Variants in OTC observed in about 807,000 individuals in gnomAD.
OTC encodes the protein ornithine transcarbamylase, mitochondrial.
In OTC, 3 loss-of-function variants were observed where a neutral mutation model predicts 30.3. The observed-to-expected ratio is 0.10, with a 90% CI of 0.05 to 0.26. The LOEUF is 0.26. Ranked by LOEUF, OTC falls within the 10% of genes least tolerant of loss-of-function variation. OTC has a pLI of 1.00. For synonymous variants in OTC, 111 were observed against 99.7 expected (o/e 1.11, Z -0.67); for missense variants, 194 against 260.3 (o/e 0.75, Z 1.75).
intron 9 of OTC, 24 bp downstream of exon 9, chrX:38,412,023 G>A (rs774568437): frequency 1.0e-5 from 12 of 1,203,334 alleles, no homozygotes; most frequent in Middle Eastern, 4.6e-4. Flanking sequence ...AAGGAATGGA[G>A]GATAAGTTCT....
upstream of OTC, among the ~76,000 whole-genome samples, chrX:38,351,980 C>T (rs949925567): frequency 5.4e-5 from 6 of 111,361 alleles, no homozygotes; most frequent in Admixed American, 1.9e-4. Flanking sequence ...AGGCTGGTCT[C>T]GAACTCCTGG....
intron 9 of OTC, among the ~76,000 whole-genome samples, chrX:38,415,633 A>G (rs952302987): frequency 1.8e-5 from 2 of 110,505 alleles, no homozygotes; most frequent in Non-Finnish European, 3.8e-5. Flanking sequence ...CAGGGGGATT[A>G]CTTGAGGTCA....
the OTC span, among the ~76,000 whole-genome samples, chrX:38,328,445 G>A: frequency 8.9e-6 from 1 of 112,398 alleles, no homozygotes; most frequent in Non-Finnish European, 1.9e-5. Context: ...CGTTGACCTG[G>A]TGTAGGAGGT....
chrX:38,388,804 G>T (rs890419406), intron 4 of OTC, among the ~76,000 whole-genome samples: 1 of 112,176 alleles, frequency 8.9e-6, no homozygotes, highest in Non-Finnish European at 1.9e-5. Context: ...TTTACTTATG[G>T]TAGTGATTGC....
At chrX:38,392,562 G>T (rs1214592799) in intron 4 of OTC, among the ~76,000 whole-genome samples, 2 of 112,056 alleles carry the variant, frequency 1.8e-5, no homozygotes, top group African/African-American at 3.2e-5. Flanking sequence ...TAGTAGCCTG[G>T]AAGAATTAAA....
chrX:38,366,914 A>C (rs1307534863), intron 1 of OTC, among the ~76,000 whole-genome samples: 4 of 112,105 alleles, frequency 3.6e-5, no homozygotes, highest in Admixed American at 9.5e-5. Flanking sequence ...ATAAGAAGAT[A>C]AAGCATTTGC....
intron 3 of OTC, among the ~76,000 whole-genome samples, chrX:38,370,633 C>T (rs5917582): frequency 0.15 from 17,047 of 110,901 alleles, 1,380 homozygotes; most frequent in Middle Eastern, 0.27. Flanking sequence ...ACACCATTTG[C>T]GCGGGGAAGA....
At chrX:38,371,507 C>G (rs1404418225) in intron 3 of OTC, among the ~76,000 whole-genome samples, 1 of 111,892 alleles carries the variant, frequency 8.9e-6, no homozygotes, top group East Asian at 2.8e-4. Context: ...TTACGAGTGT[C>G]AGAGCTTTCT....
At chrX:38,328,959 T>C in the OTC span, among the ~76,000 whole-genome samples, 2 of 112,289 alleles carry the variant, frequency 1.8e-5, no homozygotes, top group African/African-American at 6.5e-5. Context: ...ACCAAATAGT[T>C]CTTAGAGCAA....
the OTC span, among the ~76,000 whole-genome samples, chrX:38,340,473 G>GTTTTTTTTTTT: frequency 1.8e-5 from 1 of 56,125 alleles, no homozygotes; most frequent in Non-Finnish European, 3.3e-5. Flanking sequence ...TTTTTTTTTT[G>GTTTTTTTTTTT]TTTTTTTTTT....
At chrX:38,332,504 T>TATA in the OTC span, among the ~76,000 whole-genome samples, 1 of 39,381 alleles carries the variant, frequency 2.5e-5, no homozygotes, top group African/African-American at 8.8e-5. Flanking sequence ...GCCCTAGATT[T>TATA]TATATATATA....
Position 38,418,478 on chromosome X carries a change from A to G in OTC, c.1006-2545A>G, listed in dbSNP as rs186489973. 1.7e-3 allele frequency among the ~76,000 whole-genome samples: 193 copies of G among 111,864 alleles called. 1 individual carries two copies. Among genetic ancestry groups the G allele is most frequent in the Non-Finnish European group, 1.6e-3 (83 of 53,093 alleles). On this transcript the variant is annotated intron_variant, in intron 9 of 9. Coordinates refer to ENST00000039007, the MANE Select transcript of OTC (RefSeq NM_000531.6). ...TTTCTTTTGCTGTGCAGAAGCTTTG[A>G]TGCAATTTGATTTGTCTATGTTTGT...
upstream of OTC, among the ~76,000 whole-genome samples, chrX:38,352,088 T>C (rs1486438520): frequency 8.9e-6 from 1 of 112,848 alleles, no homozygotes; most frequent in Non-Finnish European, 1.9e-5. Flanking sequence ...TGAAGACTTA[T>C]GTGCAAGGCA....
chrX:38,392,359 AT>A (rs929195578), intron 4 of OTC, among the ~76,000 whole-genome samples: 1 of 111,589 alleles, frequency 9.0e-6, no homozygotes, highest in African/African-American at 3.3e-5. Context: ...ACCAGAGAGT[AT>A]TTTTTTAACT....
chrX:38,394,899 G>T lies in OTC; in HGVS notation c.387-6376G>T, dbSNP rs34416000. On this transcript the variant is annotated intron_variant, in intron 4 of 9. Transcript: ENST00000039007. The stretch of plus-strand genomic sequence containing the variant: ...GAAAAAGGAAAGTAGTTTCTGGGGG[G>T]GGGCAGGGCAGAGGTAAGAAGTAAT... 5.4e-5 allele frequency among the ~76,000 whole-genome samples: 6 copies of T among 110,424 alleles called. No individual in the cohort carries two copies. The East Asian group carries it at 1.1e-3, about 21-fold the overall frequency.
At chrX:38,406,981 G>A (rs151127745) in intron 6 of OTC, among the ~76,000 whole-genome samples, 1,587 of 112,613 alleles carry the variant, frequency 0.014, 29 homozygotes, top group African/African-American at 0.049. Context: ...GCCTGTCACA[G>A]GTTGGGTTTC....
chrX:38,421,125 C>G lies in OTC; in HGVS notation c.*43C>G, dbSNP rs758155007. On this transcript the variant is annotated 3_prime_UTR_variant, in exon 10 of 10. Coordinates refer to ENST00000039007, the MANE Select transcript of OTC (RefSeq NM_000531.6). ...AGAAAGAAGCAATGTTCTTCAGTAACAGAATGAGTTGGTTTATGGGGAAAA... is the reference window on the plus strand; with the variant it reads ...AGAAAGAAGCAATGTTCTTCAGTAAGAGAATGAGTTGGTTTATGGGGAAAA... 1 of 931,667 alleles carries G rather than the reference C, an allele frequency of 1.1e-6. No homozygotes were observed. The highest frequency in any genetic ancestry group is 2.2e-5 in the Admixed American group (1 of 45,577). 76.8% of individuals were successfully genotyped at this position (931,667 alleles called of 1,213,427 possible).
At chrX:38,332,365 C>G in the OTC span, among the ~76,000 whole-genome samples, 1 of 104,257 alleles carries the variant, frequency 9.6e-6, no homozygotes, top group African/African-American at 3.5e-5. Context: ...ATCCCAAAAA[C>G]ATCCCCACCC....
chrX:38,384,787 G>A (rs980880360), intron 4 of OTC, among the ~76,000 whole-genome samples: 2 of 110,341 alleles, frequency 1.8e-5, no homozygotes, highest in Non-Finnish European at 3.8e-5. Flanking sequence ...GGAGAATATA[G>A]TGAGTGTAGC....
Sources: allele counts gnomAD v4.1 joint callset (sites outside exome capture counted in the v4.1 genomes callset), GRCh38; gene constraint gnomAD v4.1.1; transcripts MANE v1.5; gene names NCBI Gene and HGNC (gene_info 2026-07-23, HGNC 2026-07-21).